Variants in ZDHHC20 observed in about 807,000 individuals in gnomAD.
ZDHHC20 encodes palmitoyltransferase ZDHHC20.
A neutral mutation model predicts 57.8 loss-of-function variants in ZDHHC20; 43 were observed. The ratio of observed to expected loss-of-function variants is 0.74; its 90% CI spans 0.58 to 0.96. The LOEUF is 0.96. ZDHHC20 is among the 40% of genes least tolerant of loss of function. The pLI is 0.00. For synonymous variants in ZDHHC20, 157 were observed against 153.0 expected, an observed-to-expected ratio of 1.03 and a Z score of -0.19; for missense variants, 391 against 441.1, an observed-to-expected ratio of 0.89 and a Z score of 1.02.
At chr13:21,431,732 A>G (rs948211289) in intron 1 of ZDHHC20, among the ~76,000 whole-genome samples, 3 of 152,236 alleles carry the variant, frequency 2.0e-5, no homozygotes, top group African/African-American at 7.2e-5. Flanking sequence ...TAATAACTAC[A>G]GCATCTTTTC....
intron 11 of ZDHHC20, among the ~76,000 whole-genome samples, chr13:21,381,018 A>G (rs911521731): frequency 6.6e-6 from 1 of 151,014 alleles, no homozygotes. Flanking sequence ...TATTATTATT[A>G]TTTTTTGAGA....
chr13:21,391,901 A>G (rs1277057559), intron 7 of ZDHHC20, 47 bp from the exon 8 acceptor site: 1 of 1,569,098 alleles, frequency 6.4e-7, no homozygotes, highest in East Asian at 2.3e-5. Context: ...CTAAAATATA[A>G]CTTACAAGTT....
At position 21,413,706 on chromosome 13, in the gene ZDHHC20, T is replaced by A; in HGVS notation, c.316A>T (p.Ile106Phe). The A allele has an allele frequency of 6.2e-7, 1 of 1,611,896 alleles. No individual in the cohort carries two copies. Among genetic ancestry groups the A allele is most frequent in the Non-Finnish European group, 8.5e-7 (1 of 1,179,350 alleles). Residue 106 changes from isoleucine (I) to phenylalanine (F), a missense_variant, in exon 4 of 13, where the codon ATT (isoleucine) becomes TTT (phenylalanine). Transcript: ENST00000400590. ...AAAGCTCTTGCTGCTCTTCTCAAAA[T>A]TTCTTGTTGTCTTTCTTGGCTGAAT... ...KEFSQERQQE[I>F]LRRAARALPI...
chr13:21,417,524 C>G (rs530304083), intron 3 of ZDHHC20, among the ~76,000 whole-genome samples: 1 of 152,314 alleles, frequency 6.6e-6, no homozygotes, highest in South Asian at 2.1e-4. Context: ...ACTGCATCCT[C>G]TGCCTCCCAG....
intron 7 of ZDHHC20, among the ~76,000 whole-genome samples, chr13:21,396,150 G>C (rs191660941): frequency 6.6e-6 from 1 of 152,242 alleles, no homozygotes; most frequent in East Asian, 1.9e-4. Flanking sequence ...TAAAGGCTCT[G>C]GTTCCCACGT....
rs191365481 is a variant in ZDHHC20 at position 21,446,778 on chromosome 13, T to C, written c.118+12276A>G. On this transcript the variant is annotated intron_variant, in intron 1 of 12. Coordinates refer to ENST00000400590, the MANE Select transcript of ZDHHC20 (RefSeq NM_001330059.2). ...ATAGCGTCAGGTATTAATCTTAAAA[T>C]CCCACATGGTGATGATGTGGAGGGC... 7.0e-3 allele frequency among the ~76,000 whole-genome samples: 1,067 copies of C among 152,294 alleles called. 16 individuals carry two copies. The highest frequency in any genetic ancestry group is 0.024 in the African/African-American group (981 of 41,562).
At chr13:21,451,355 T>C (rs1164360472) in intron 1 of ZDHHC20, among the ~76,000 whole-genome samples, 1 of 152,196 alleles carries the variant, frequency 6.6e-6, no homozygotes, top group Non-Finnish European at 1.5e-5. Flanking sequence ...TATGATTCAA[T>C]TCAATTCAAG....
intron 7 of ZDHHC20, among the ~76,000 whole-genome samples, chr13:21,399,779 CTTG>C (rs1246368649): frequency 2.0e-5 from 3 of 151,944 alleles, no homozygotes; most frequent in Non-Finnish European, 4.4e-5. Context: ...TCTTCCGTAC[CTTG>C]TTTTTTTCAC....
chr13:21,403,294 T>TAA (rs5802111), intron 4 of ZDHHC20, among the ~76,000 whole-genome samples: 85 of 146,144 alleles, frequency 5.8e-4, no homozygotes, highest in South Asian at 1.7e-3. Flanking sequence ...ATAGTTTTAT[T>TAA]AAAAAAAAAA....
At chr13:21,413,929 C>T (rs1879574838) in intron 3 of ZDHHC20, among the ~76,000 whole-genome samples, 157 bp from the exon 4 acceptor site, 1 of 152,108 alleles carries the variant, frequency 6.6e-6, no homozygotes, top group South Asian at 2.1e-4. Context: ...TACATTTTAA[C>T]AAAAACTGTA....
At chr13:21,423,233 C>A (rs748213693) in intron 2 of ZDHHC20, among the ~76,000 whole-genome samples, 1 of 152,106 alleles carries the variant, frequency 6.6e-6, no homozygotes, top group Non-Finnish European at 1.5e-5. Context: ...AAATCGTAAC[C>A]CTAACTTCCT....
intron 3 of ZDHHC20, among the ~76,000 whole-genome samples, chr13:21,416,203 C>CAAAAAA (rs55796229): frequency 1.3e-4 from 9 of 71,732 alleles, no homozygotes; most frequent in East Asian, 6.6e-4. Context: ...GACTCCATCT[C>CAAAAAA]AAAAAAAAAA....
intron 3 of ZDHHC20, among the ~76,000 whole-genome samples, chr13:21,414,535 T>G (rs935286598): frequency 7.0e-6 from 1 of 142,756 alleles, no homozygotes; most frequent in Admixed American, 7.1e-5. Flanking sequence ...TAATTTTTTT[T>G]TTTTTTTTTG....
At chr13:21,425,242 C>T (rs749789982) in intron 2 of ZDHHC20, among the ~76,000 whole-genome samples, 33 of 151,770 alleles carry the variant, frequency 2.2e-4, no homozygotes, top group Admixed American at 2.6e-4. Context: ...TTGTAAATTG[C>T]GATTTTAACA....
chr13:21,451,638 C>A (rs189476452), intron 1 of ZDHHC20, among the ~76,000 whole-genome samples: 3 of 152,002 alleles, frequency 2.0e-5, no homozygotes, highest in Admixed American at 2.0e-4. Flanking sequence ...AATACTGATA[C>A]ATAATACACA....
At chr13:21,387,729 CA>C in intron 8 of ZDHHC20, 95 bp from the exon 9 acceptor site, 1 of 634,380 alleles carries the variant, frequency 1.6e-6, no homozygotes, top group Non-Finnish European at 2.3e-6. Flanking sequence ...ATCTTTGACA[CA>C]AAAACTGTAA....
intron 1 of ZDHHC20, among the ~76,000 whole-genome samples, chr13:21,429,140 G>C (rs1881629423): frequency 6.6e-6 from 1 of 152,070 alleles, no homozygotes; most frequent in African/African-American, 2.4e-5. Flanking sequence ...CACTTTATCA[G>C]TATACTTGTA....
rs1871499817 is a variant in ZDHHC20, at chr13:21,373,275, T to C, written c.*3421A>G. 1 of 152,212 alleles carries C rather than the reference T, an allele frequency of 6.6e-6. No homozygotes were observed. The highest frequency in any genetic ancestry group is 6.5e-5 in the Admixed American group (1 of 15,278). The allele number at this position is 152,212 out of a possible 1,614,324, so 9.4% of individuals were successfully genotyped here. ...GTAGATCCTAAATCTAAGCCCTTAATATACATCTACTTTAAAGATAACTGA... is the reference window on the plus strand; with the variant it reads ...GTAGATCCTAAATCTAAGCCCTTAACATACATCTACTTTAAAGATAACTGA... On this transcript the variant is annotated 3_prime_UTR_variant, in exon 13 of 13. Transcript: ENST00000400590.
At chr13:21,416,302 GAACAA>G (rs1879969134) in intron 3 of ZDHHC20, among the ~76,000 whole-genome samples, 1 of 151,778 alleles carries the variant, frequency 6.6e-6, no homozygotes, top group African/African-American at 2.4e-5. Flanking sequence ...ATGAGGAATG[GAACAA>G]AACAAATATT....
Sources: allele counts gnomAD v4.1 joint callset (sites outside exome capture counted in the v4.1 genomes callset), GRCh38; gene constraint gnomAD v4.1.1; transcripts MANE v1.5; gene names NCBI Gene and HGNC (gene_info 2026-07-23, HGNC 2026-07-21).